ALMS1: variants seen among roughly 807,000 people sequenced by gnomAD.
The protein encoded by ALMS1 is ALMS1 centrosome and basal body associated protein.
Under a neutral mutation model 352.2 loss-of-function variants are expected in ALMS1, and 271 were observed. The observed-to-expected ratio is 0.77, with a 90% CI of 0.70 to 0.85. The LOEUF (loss-of-function observed/expected upper bound fraction) is 0.85. Among genes scored for constraint, ALMS1 ranks in the 40% least tolerant of loss-of-function variants. The probability of loss-of-function intolerance (pLI) is 0.00; values close to 1 mark genes in which losing one functional copy is unlikely to be tolerated. For synonymous variants in ALMS1, 1,865 were observed against 1,761.2 expected (o/e 1.06, Z -1.48); for missense variants, 5,445 against 4,870.7 (o/e 1.12, Z -3.51).
At chr2:73,421,938 C>T (rs1269121322) in intron 3 of ALMS1, among the ~76,000 whole-genome samples, 1 of 152,038 alleles carries the variant, frequency 6.6e-6, no homozygotes, top group Non-Finnish European at 1.5e-5. Flanking sequence ...AGTCAACATT[C>T]AGGAAATCAC....
intron 11 of ALMS1, among the ~76,000 whole-genome samples, chr2:73,533,872 T>C (rs1673973870): frequency 6.6e-6 from 1 of 152,210 alleles, no homozygotes; most frequent in Non-Finnish European, 1.5e-5. Context: ...TAGCAGTCAG[T>C]ACTTTTTTGA....
chr2:73,534,425 A>C (rs1673984326), intron 11 of ALMS1, among the ~76,000 whole-genome samples: 1 of 152,158 alleles, frequency 6.6e-6, no homozygotes, highest in Non-Finnish European at 1.5e-5. Flanking sequence ...GTAAGATAAC[A>C]TGTTTTTTAG....
In ALMS1 at chr2:73,452,205, C is replaced by T; in HGVS notation, c.5678C>T (p.Ser1893Phe). The change falls in exon 8 of 23, where the codon TCT becomes TTT. Residue 1893 changes from serine to phenylalanine, a missense_variant. Transcript: ENST00000613296. ...DQKTGIQIAS[S>F]SSYSNREKAS... is the part of the protein sequence containing the mutation. ...AAGACTGGGATACAAATAGCATCCT[C>T]TAGTTCCTACTCAAATAGAGAGAAG... The T allele has an allele frequency of 3.7e-6, 6 of 1,614,064 alleles. No homozygotes were observed. The highest frequency in any genetic ancestry group is 5.1e-6 in the Non-Finnish European group (6 of 1,180,024).
At chr2:73,404,128 A>C (rs1242104436) in intron 1 of ALMS1, among the ~76,000 whole-genome samples, 1 of 152,114 alleles carries the variant, frequency 6.6e-6, no homozygotes, top group Non-Finnish European at 1.5e-5. Flanking sequence ...CAAACTCCTG[A>C]CCTCAAGTGA....
chr2:73,466,946 C>T (rs1037261830), intron 9 of ALMS1, among the ~76,000 whole-genome samples: 3 of 152,096 alleles, frequency 2.0e-5, no homozygotes, highest in Middle Eastern at 3.2e-3. Context: ...AGCTTGATAA[C>T]TATATGTGTT....
intron 9 of ALMS1, among the ~76,000 whole-genome samples, chr2:73,465,574 A>G (rs530254988): frequency 2.1e-4 from 32 of 152,346 alleles, no homozygotes; most frequent in African/African-American, 6.5e-4. Context: ...GGACATAGGC[A>G]TGGGCAAAGA....
intron 9 of ALMS1, among the ~76,000 whole-genome samples, chr2:73,486,391 T>C (rs1672847106): frequency 6.6e-6 from 1 of 152,162 alleles, no homozygotes; most frequent in African/African-American, 2.4e-5. Flanking sequence ...TCACTTGGCC[T>C]TTGCTGGTGT....
intron 16 of ALMS1, among the ~76,000 whole-genome samples, chr2:73,590,709 C>T (rs1424001697): frequency 4.8e-5 from 6 of 124,460 alleles, no homozygotes; most frequent in African/African-American, 1.2e-4. Flanking sequence ...TGAGATGTCT[C>T]GCTCTGTCAC....
At chr2:73,504,025 G>T (rs1309680287) in intron 10 of ALMS1, among the ~76,000 whole-genome samples, 2 of 152,180 alleles carry the variant, frequency 1.3e-5, no homozygotes, top group African/African-American at 4.8e-5. Flanking sequence ...AGTGAGTTAT[G>T]ATCAATTTCT....
rs541974159 is a variant in ALMS1, at chr2:73,396,599, C to A, written c.324+10407C>A. The stretch of plus-strand genomic sequence containing the variant: ...AGGATGGGGCATAGTATTTTAATTA[C>A]TAAATCACTCTTTTTTCTTCTTATG... On this transcript the variant is annotated intron_variant, in intron 1 of 22. Transcript: ENST00000613296. Among the ~76,000 whole-genome samples, 21 of 85,850 alleles carry A rather than the reference C, an allele frequency of 2.4e-4. No homozygotes were observed. The East Asian group carries it at 5.0e-3, about 20-fold the overall frequency. 56.3% of individuals were successfully genotyped at this position (85,850 alleles called of 152,430 possible).
chr2:73,395,151 C>T (rs1270278185), intron 1 of ALMS1, among the ~76,000 whole-genome samples: 16 of 145,552 alleles, frequency 1.1e-4, no homozygotes, highest in Non-Finnish European at 2.2e-4. Context: ...ACACAATCTC[C>T]GCCCACTGCA....
intron 1 of ALMS1, among the ~76,000 whole-genome samples, chr2:73,389,266 C>A (rs561866984): frequency 1.6e-4 from 24 of 152,084 alleles, no homozygotes; most frequent in Admixed American, 5.2e-4. Flanking sequence ...CAGTCTTTTG[C>A]CCGCTTTTTA....
At chr2:73,604,340 G>A (rs1010543686) in intron 21 of ALMS1, among the ~76,000 whole-genome samples, 4 of 152,164 alleles carry the variant, frequency 2.6e-5, no homozygotes, top group Non-Finnish European at 5.9e-5. Flanking sequence ...TGAGACTGCA[G>A]TGAGCTGTGA....
intron 1 of ALMS1, among the ~76,000 whole-genome samples, 178 bp from the exon 2 acceptor site, chr2:73,408,444 G>A (rs1376582264): frequency 1.3e-5 from 2 of 152,194 alleles, no homozygotes. Flanking sequence ...AAAGTATGCT[G>A]TGTCCTAACT....
chr2:73,588,958 T>A (rs1349569648), intron 16 of ALMS1, among the ~76,000 whole-genome samples: 2 of 151,984 alleles, frequency 1.3e-5, no homozygotes, highest in African/African-American at 4.8e-5. Flanking sequence ...AGAGAAAGAG[T>A]TAAGATATAA....
At chr2:73,436,995 A>G (rs894372329) in intron 7 of ALMS1, among the ~76,000 whole-genome samples, 2 of 152,004 alleles carry the variant, frequency 1.3e-5, no homozygotes, top group African/African-American at 4.8e-5. Flanking sequence ...ATCTTGTTGC[A>G]GCTCTGGATA....
intron 10 of ALMS1, among the ~76,000 whole-genome samples, chr2:73,509,203 G>T (rs1673400124): frequency 6.6e-6 from 1 of 151,952 alleles, no homozygotes; most frequent in African/African-American, 2.4e-5. Flanking sequence ...TCTTTATCCA[G>T]TTTGCCAGTC....
chr2:73,528,132 T>A (rs1673830578), intron 11 of ALMS1, among the ~76,000 whole-genome samples: 1 of 152,204 alleles, frequency 6.6e-6, no homozygotes. Context: ...ATTACAATTA[T>A]TTTTGAATTT....
At chr2:73,440,444 T>A (rs13386069) in intron 7 of ALMS1, among the ~76,000 whole-genome samples, 2,421 of 152,186 alleles carry the variant, frequency 0.016, 54 homozygotes, top group African/African-American at 0.056. Context: ...CTCTCTCGCG[T>A]TCGCTGTCTT....
Sources: allele counts gnomAD v4.1 joint callset (sites outside exome capture counted in the v4.1 genomes callset), GRCh38; gene constraint gnomAD v4.1.1; transcripts MANE v1.5; gene names NCBI Gene and HGNC (gene_info 2026-07-23, HGNC 2026-07-21).